The following PXDNL variants were observed in gnomAD, a reference collection of about 807,000 sequenced individuals.
PXDNL encodes the protein probable oxidoreductase PXDNL.
PXDNL carries 145 observed loss-of-function variants against 150.8 expected under a neutral mutation model. That is an observed-to-expected ratio of 0.96 (90% CI 0.84 to 1.10). The LOEUF is 1.10. Ranked by LOEUF, PXDNL falls within the 50% of genes least tolerant of loss-of-function variation. PXDNL has a pLI of 0.00. For missense variants in PXDNL, 2,087 were observed against 1,873.9 expected, an observed-to-expected ratio of 1.11 and a Z score of -2.10; for synonymous variants, 757 against 725.7, an observed-to-expected ratio of 1.04 and a Z score of -0.69.
intron 4 of PXDNL, among the ~76,000 whole-genome samples, chr8:51,553,114 C>T (rs1030059500): frequency 3.9e-5 from 6 of 152,232 alleles, no homozygotes; most frequent in African/African-American, 1.4e-4. Flanking sequence ...AATTATCTTC[C>T]TTGACTCTGT....
At chr8:51,456,496 A>T (rs924736035) in intron 9 of PXDNL, among the ~76,000 whole-genome samples, 1 of 152,202 alleles carries the variant, frequency 6.6e-6, no homozygotes, top group Non-Finnish European at 1.5e-5. Context: ...GGCTCTGGAG[A>T]GCCAGTTGTC....
rs1161286745 is a variant in PXDNL at position 51,600,241 on chromosome 8, AATAAATTAT to A, written c.237-7552_237-7544del. On this transcript the variant is annotated intron_variant, in intron 2 of 22. Transcript: ENST00000356297. ...CTCATATAAATTATATCGTTTAGAT[AATAAATTAT>A]ATCTCATATAAATTATATCGTTTAG... 2.9e-5 allele frequency among the ~76,000 whole-genome samples: 4 copies of A among 137,034 alleles called. 1 individual carries two copies. In the South Asian group the frequency reaches 9.6e-4, roughly 33 times the overall value. The allele number at this position is 137,034 out of a possible 152,430, so 89.9% of individuals were successfully genotyped here. A position where few individuals can be genotyped will look rare whatever the true frequency, so the allele number is the denominator to read the frequency against.
At chr8:51,608,127 C>A (rs1281984402) in intron 2 of PXDNL, among the ~76,000 whole-genome samples, 5 of 147,652 alleles carry the variant, frequency 3.4e-5, no homozygotes, top group Admixed American at 6.7e-5. Context: ...CGGTCGCTCA[C>A]GCCTGTAATC....
chr8:51,417,110 T>C (rs1808820207), intron 14 of PXDNL, among the ~76,000 whole-genome samples: 1 of 152,218 alleles, frequency 6.6e-6, no homozygotes, highest in Non-Finnish European at 1.5e-5. Flanking sequence ...ATCAATACTG[T>C]TGTAGTTATT....
At chr8:51,655,738 C>T (rs1815136209) in intron 1 of PXDNL, among the ~76,000 whole-genome samples, 1 of 152,156 alleles carries the variant, frequency 6.6e-6, no homozygotes, top group Non-Finnish European at 1.5e-5. Flanking sequence ...ATTGACATGG[C>T]TGCTGAATAA....
chr8:51,458,560 C>T (rs1372564621), intron 8 of PXDNL, among the ~76,000 whole-genome samples: 2 of 152,196 alleles, frequency 1.3e-5, no homozygotes, highest in African/African-American at 4.8e-5. Context: ...TCACTCAATA[C>T]ATATTTTCTA....
In PXDNL at chr8:51,408,270, G is replaced by C; in HGVS notation, c.3354C>G (p.Leu1118=). 1 of 1,613,976 alleles carries C rather than the reference G, an allele frequency of 6.2e-7. No homozygotes were observed. Among genetic ancestry groups the C allele is most frequent in the South Asian group, 1.1e-5 (1 of 91,082 alleles). Residue 1118 remains leucine, a synonymous_variant, in exon 17 of 23, where the codon CTC becomes CTG. Coordinates refer to ENST00000356297, the MANE Select transcript of PXDNL (RefSeq NM_144651.5). ...AGAGCCTCTGGGTCAGCTCAGGACT[G>C]AGAAGGTAGGAGGGTGCCCGCCATT... is the stretch of plus-strand genomic sequence containing the variant. ...AAKWRAPSYL[L]SPELTQRLFS...
At chr8:51,757,683 T>C (rs1453575563) in intron 1 of PXDNL, among the ~76,000 whole-genome samples, 1 of 152,226 alleles carries the variant, frequency 6.6e-6, no homozygotes, top group Non-Finnish European at 1.5e-5. Flanking sequence ...CTTTGATCAG[T>C]AACTAAATCT....
chr8:51,685,809 T>C (rs1308580196), intron 1 of PXDNL, among the ~76,000 whole-genome samples: 1 of 152,230 alleles, frequency 6.6e-6, no homozygotes, highest in Non-Finnish European at 1.5e-5. Context: ...CTTTTATTGC[T>C]ATATTATTTA....
At chr8:51,392,255 GT>G (rs1192310863) in intron 17 of PXDNL, among the ~76,000 whole-genome samples, 1 of 152,266 alleles carries the variant, frequency 6.6e-6, no homozygotes, top group Middle Eastern at 3.4e-3. Flanking sequence ...CTTTAAAATA[GT>G]TTTTTCCACT....
chr8:51,520,444 G>A (rs1042454298), intron 4 of PXDNL, among the ~76,000 whole-genome samples: 4 of 152,106 alleles, frequency 2.6e-5, no homozygotes, highest in African/African-American at 9.7e-5. Flanking sequence ...ACCAGGAGGA[G>A]GGACGGAAAC....
At chr8:51,783,605 AT>A (rs1416826016) in intron 1 of PXDNL, among the ~76,000 whole-genome samples, 1 of 152,248 alleles carries the variant, frequency 6.6e-6, no homozygotes. Context: ...ACTAAACCGT[AT>A]AAAAATAATG....
At chr8:51,399,598 A>T (rs1342318320) in intron 17 of PXDNL, among the ~76,000 whole-genome samples, 1 of 152,212 alleles carries the variant, frequency 6.6e-6, no homozygotes, top group Admixed American at 6.5e-5. Flanking sequence ...GACTGCAAAG[A>T]CCATGAGCTA....
At chr8:51,495,639 A>C (rs1435959624) in intron 5 of PXDNL, among the ~76,000 whole-genome samples, 1 of 152,256 alleles carries the variant, frequency 6.6e-6, no homozygotes, top group Non-Finnish European at 1.5e-5. Flanking sequence ...CCATCAGAGA[A>C]TACTATAAAC....
Position 51,409,576 on chromosome 8 carries a change from G to A in PXDNL, c.2063-15C>T, listed in dbSNP as rs752130785. ...GTACCGGAATTCTGAAAGGCAAGCGGCGAAAGCCGTGAGGAGGGCGGGCCT... is the reference window on the plus strand; with the variant it reads ...GTACCGGAATTCTGAAAGGCAAGCGACGAAAGCCGTGAGGAGGGCGGGCCT... On this transcript the variant is annotated splice_polypyrimidine_tract_variant and intron_variant, in intron 16 of 22. Transcript: ENST00000356297. 6.5e-7 allele frequency: 1 copy of A among 1,542,150 alleles called. No individual in the cohort carries two copies. The highest frequency in any genetic ancestry group is 8.8e-7 in the Non-Finnish European group (1 of 1,142,460).
chr8:51,559,328 A>C (rs4445215), intron 3 of PXDNL, among the ~76,000 whole-genome samples: 40,890 of 117,548 alleles, frequency 0.35, 8,031 homozygotes, highest in African/African-American at 0.6. Flanking sequence ...TGTTTCTTCC[A>C]AACCCCCCCC....
chr8:51,388,819 T>C (rs866303612), intron 17 of PXDNL, among the ~76,000 whole-genome samples: 2 of 152,334 alleles, frequency 1.3e-5, no homozygotes, highest in Middle Eastern at 6.8e-3. Flanking sequence ...TCACTATTTT[T>C]TTAATTCAGC....
chr8:51,800,255 A>G (rs2037604573), intron 1 of PXDNL, among the ~76,000 whole-genome samples: 7 of 152,204 alleles, frequency 4.6e-5, no homozygotes, highest in Admixed American at 4.6e-4. Flanking sequence ...TTTTATGTTA[A>G]TATCCCAACA....
intron 17 of PXDNL, among the ~76,000 whole-genome samples, chr8:51,386,326 C>T (rs1294662888): frequency 2.6e-5 from 4 of 152,110 alleles, no homozygotes; most frequent in Middle Eastern, 3.4e-3. Context: ...CTCCTGACCT[C>T]GTGATCCGCC....
Sources: gnomAD v4.1 joint callset for allele counts (sites outside exome capture counted in the v4.1 genomes callset) on GRCh38, gnomAD v4.1.1 for gene constraint, MANE v1.5 for transcripts, NCBI Gene and HGNC (gene_info 2026-07-23, HGNC 2026-07-21) for gene names.